ROBO1: variants seen among roughly 807,000 people sequenced by gnomAD.
ROBO1 encodes the protein roundabout homolog 1.
ROBO1 carries 149 observed loss-of-function variants against 195.9 expected under a neutral mutation model. The ratio of observed to expected loss-of-function variants is 0.76; its 90% CI spans 0.67 to 0.87. ROBO1 has a LOEUF of 0.87. ROBO1 is among the 40% of genes least tolerant of loss of function. ROBO1 has a pLI of 0.00. For synonymous variants in ROBO1, 816 were observed against 733.2 expected (o/e 1.11, Z -1.82); for missense variants, 1,933 against 2,068.3 (o/e 0.93, Z 1.27).
At chr3:78,986,190 A>G (rs2077102460) in intron 3 of ROBO1, among the ~76,000 whole-genome samples, 1 of 152,116 alleles carries the variant, frequency 6.6e-6, no homozygotes, top group Admixed American at 6.6e-5. Context: ...ATGATAGGCT[A>G]TCTTAAAACG....
intron 4 of ROBO1, among the ~76,000 whole-genome samples, chr3:78,776,536 CACCGCACCCA>C (rs1361977723): frequency 3.9e-5 from 6 of 152,324 alleles, no homozygotes; most frequent in African/African-American, 1.4e-4. Flanking sequence ...AGGCGTGAGC[CACCGCACCCA>C]GCCAAAATGC....
intron 14 of ROBO1, 100 bp from the exon 15 acceptor site, chr3:78,662,214 A>G (rs1173309616): frequency 2.7e-6 from 3 of 1,098,912 alleles, no homozygotes; most frequent in African/African-American, 1.6e-5. Context: ...AACTCTCAGT[A>G]AAGAAGAGTC....
intron 2 of ROBO1, among the ~76,000 whole-genome samples, chr3:79,256,094 T>C (rs1346046468): frequency 6.6e-6 from 1 of 152,194 alleles, no homozygotes; most frequent in Non-Finnish European, 1.5e-5. Context: ...ATGGTTTTTG[T>C]TTGTTTGACT....
intron 2 of ROBO1, among the ~76,000 whole-genome samples, chr3:79,570,720 A>G (rs950918714): frequency 8.5e-5 from 13 of 152,176 alleles, no homozygotes; most frequent in African/African-American, 2.2e-4. Context: ...TGTATTAGGT[A>G]TGATATTCCT....
At chr3:78,989,160 T>C (rs1241217285) in intron 3 of ROBO1, among the ~76,000 whole-genome samples, 1 of 152,098 alleles carries the variant, frequency 6.6e-6, no homozygotes, top group Non-Finnish European at 1.5e-5. Context: ...TAGTTTCAAA[T>C]AGCTAGAAGG....
intron 2 of ROBO1, among the ~76,000 whole-genome samples, chr3:79,437,275 T>C (rs1245228397): frequency 6.6e-6 from 1 of 152,022 alleles, no homozygotes; most frequent in Non-Finnish European, 1.5e-5. Flanking sequence ...CAGATAATAT[T>C]GCCCAAGTTA....
At position 79,672,978 on chromosome 3, in the gene ROBO1, G is replaced by A. The variant is rs564489788; in HGVS notation, c.-50-83017C>T. Among the ~76,000 whole-genome samples, 20 of 152,026 alleles carry A rather than the reference G, an allele frequency of 1.3e-4. No individual in the cohort carries two copies. In the South Asian group the frequency reaches 4.1e-3, roughly 32 times the overall value. The stretch of plus-strand genomic sequence containing the variant: ...CTTTTGTAAGAAAATCCTCTCAAGA[G>A]CGAGCAATGCCAAATGAGGGCCAAA... On this transcript the variant is annotated intron_variant, in intron 1 of 30. Transcript: ENST00000464233.
At position 79,094,902 on chromosome 3, in the gene ROBO1, TCCCTCCCTTC is replaced by T. The variant is rs1233972147; in HGVS notation, c.172+30544_172+30553del. On this transcript the variant is annotated intron_variant, in intron 3 of 30. Coordinates refer to ENST00000464233, the MANE Select transcript of ROBO1 (RefSeq NM_002941.4). ...TCCCTTCCTTCCCCTCACCCTTCCT[TCCCTCCCTTC>T]CCCTCCCTCCCTCTCTCCCTCTCTC... Among the ~76,000 whole-genome samples, 3 of 131,080 alleles carry T rather than the reference TCCCTCCCTTC, an allele frequency of 2.3e-5. No homozygotes were observed. In the South Asian group the frequency reaches 8.9e-4, roughly 39 times the overall value. The allele number at this position is 131,080 out of a possible 152,430, so 86.0% of individuals were successfully genotyped here. A position where few individuals can be genotyped will look rare whatever the true frequency, so the allele number is the denominator to read the frequency against.
intron 21 of ROBO1, among the ~76,000 whole-genome samples, chr3:78,641,631 A>T (rs924390579): frequency 1.3e-5 from 2 of 152,184 alleles, no homozygotes; most frequent in African/African-American, 4.8e-5. Flanking sequence ...TAAACTATGA[A>T]TGTTATCACT....
chr3:79,050,167 A>G (rs2108361922), intron 3 of ROBO1, among the ~76,000 whole-genome samples: 1 of 152,276 alleles, frequency 6.6e-6, no homozygotes, highest in Non-Finnish European at 1.5e-5. Context: ...GTGCAGAAAC[A>G]CACATAGGCT....
chr3:79,531,705 C>A, intron 2 of ROBO1, among the ~76,000 whole-genome samples: 1 of 152,158 alleles, frequency 6.6e-6, no homozygotes, highest in South Asian at 2.1e-4. Context: ...CATTAATAAT[C>A]TCTATGCCTA....
chr3:79,028,449 T>G (rs1427491397), intron 3 of ROBO1, among the ~76,000 whole-genome samples: 1 of 151,906 alleles, frequency 6.6e-6, no homozygotes. Flanking sequence ...ATTAGATGAA[T>G]GTGTTAAAAT....
chr3:79,302,822 G>GA (rs1249619460), intron 2 of ROBO1, among the ~76,000 whole-genome samples: 2 of 151,858 alleles, frequency 1.3e-5, no homozygotes, highest in Admixed American at 1.3e-4. Flanking sequence ...AAAAGACAGA[G>GA]AAACTTGGAA....
intron 3 of ROBO1, among the ~76,000 whole-genome samples, chr3:78,975,955 T>A (rs944941892): frequency 6.6e-6 from 1 of 152,228 alleles, no homozygotes; most frequent in Non-Finnish European, 1.5e-5. Flanking sequence ...AGACCTTTAC[T>A]CAACAAATAC....
chr3:78,631,211 A>T lies in ROBO1; in HGVS notation c.3576T>A (p.His1192Gln). 1 of 1,612,970 alleles carries T rather than the reference A, an allele frequency of 6.2e-7. No individual in the cohort carries two copies. Residue 1192 changes from histidine (H) to glutamine (Q), a missense_variant, in exon 25 of 31, where the codon CAT becomes CAA. Physicochemically the swap from His to Gln is conservative, Grantham distance 24 (BLOSUM62 0). This residue lies in a region of ROBO1 where 1,737 missense variants were observed against 1,882.5 expected (regional missense o/e 0.92). Transcript: ENST00000464233. The part of the protein sequence containing the change: ...WADLLPPPPA[H>Q]PPPHSNSEEY... ...CTTCGCTATTGCTGTGTGGAGGAGGATGTGCTGGGGGAGGAGGAAGCAGGT... is the reference window on the plus strand; with the variant it reads ...CTTCGCTATTGCTGTGTGGAGGAGGTTGTGCTGGGGGAGGAGGAAGCAGGT...
At chr3:79,093,647 TTA>T (rs2079517386) in intron 3 of ROBO1, among the ~76,000 whole-genome samples, 1 of 152,076 alleles carries the variant, frequency 6.6e-6, no homozygotes, top group African/African-American at 2.4e-5. Context: ...ACATCCCTGG[TTA>T]TGTTCTAGGC....
chr3:79,542,875 A>G (rs1277675108), intron 2 of ROBO1, among the ~76,000 whole-genome samples: 1 of 152,092 alleles, frequency 6.6e-6, no homozygotes, highest in African/African-American at 2.4e-5. Context: ...CATTATTAGC[A>G]TAAATTTCCC....
At chr3:79,263,510 C>T (rs2082978711) in intron 2 of ROBO1, among the ~76,000 whole-genome samples, 1 of 151,798 alleles carries the variant, frequency 6.6e-6, no homozygotes, top group Admixed American at 6.6e-5. Flanking sequence ...AATAATTAGC[C>T]AAGGGTGGTG....
At chr3:78,750,454 A>AAAATAAATAAATAAAT (rs60201979) in intron 4 of ROBO1, among the ~76,000 whole-genome samples, 13 of 136,004 alleles carry the variant, frequency 9.6e-5, no homozygotes, top group South Asian at 4.7e-4. Flanking sequence ...CTCCATCTCA[A>AAAATAAATAAATAAAT]AAATAAATAA....
Sources: allele counts gnomAD v4.1 joint callset (sites outside exome capture counted in the v4.1 genomes callset), GRCh38; gene constraint gnomAD v4.1.1; regional missense constraint gnomAD v4.1.1; transcripts MANE v1.5; gene names NCBI Gene and HGNC (gene_info 2026-07-23, HGNC 2026-07-21).